The following CUBN variants were observed in gnomAD, a reference collection of about 807,000 sequenced individuals.
CUBN encodes 460 kDa receptor.
Under a neutral mutation model 405.3 loss-of-function variants are expected in CUBN, and 282 were observed. That is an observed-to-expected ratio of 0.70 (90% CI 0.63 to 0.77). The LOEUF is 0.77. Ranked by LOEUF, CUBN falls within the 30% of genes least tolerant of loss-of-function variation. CUBN has a pLI of 0.00. For synonymous variants in CUBN, 1,684 were observed against 1,617.0 expected, an observed-to-expected ratio of 1.04 and a Z score of -0.99; for missense variants, 4,514 against 4,475.2, an observed-to-expected ratio of 1.01 and a Z score of -0.25.
intron 55 of CUBN, among the ~76,000 whole-genome samples, chr10:16,889,758 T>C (rs1223241902): frequency 6.6e-6 from 1 of 150,668 alleles, no homozygotes; most frequent in African/African-American, 2.4e-5. Context: ...AAAAATTAGC[T>C]GGGCATGGTG....
intron 54 of CUBN, among the ~76,000 whole-genome samples, chr10:16,895,338 TACAC>T (rs150992845): frequency 5.1e-4 from 76 of 149,072 alleles, no homozygotes; most frequent in African/African-American, 1.5e-3. Context: ...TATATATTTA[TACAC>T]ACACACACAC....
chr10:16,935,507 T>TA (rs1371145615), intron 39 of CUBN, among the ~76,000 whole-genome samples: 3 of 152,142 alleles, frequency 2.0e-5, no homozygotes, highest in Non-Finnish European at 4.4e-5. Context: ...TTTCCTTTCT[T>TA]AGTCTTCTCA....
Position 17,086,969 on chromosome 10 carries a change from C to T in CUBN, c.1947+1195G>A, listed in dbSNP as rs1186353662. ...ATTAATTTCAAGATAACTCACTTTTCTGTCAACATTTAAATGACCATTTTG... is the reference window on the plus strand; with the variant it reads ...ATTAATTTCAAGATAACTCACTTTTTTGTCAACATTTAAATGACCATTTTG... On this transcript the variant is annotated intron_variant, in intron 15 of 66. Coordinates refer to ENST00000377833, the MANE Select transcript of CUBN (RefSeq NM_001081.4). Among the ~76,000 whole-genome samples, 28 of 152,194 alleles carry T rather than the reference C, an allele frequency of 1.8e-4. 2 individuals are homozygous for T. Among genetic ancestry groups the T allele is most frequent in the Admixed American group, 1.8e-3 (28 of 15,282 alleles).
At position 16,992,296 on chromosome 10, in the gene CUBN, C is replaced by T. The variant is rs549845113; in HGVS notation, c.4169-1781G>A. 1.3e-4 allele frequency among the ~76,000 whole-genome samples: 20 copies of T among 152,182 alleles called. No individual in the cohort carries two copies. In the South Asian group the frequency reaches 3.5e-3, roughly 27 times the overall value. ...TAGGAGGAATACCTAATGTAAATGA[C>T]GAGTTAATGGGTGCAGCACACCAAC... On this transcript the variant is annotated intron_variant, in intron 28 of 66. Coordinates refer to ENST00000377833, the MANE Select transcript of CUBN (RefSeq NM_001081.4).
chr10:17,035,814 C>G (rs1292268253), intron 27 of CUBN, among the ~76,000 whole-genome samples: 2 of 150,744 alleles, frequency 1.3e-5, no homozygotes, highest in Admixed American at 6.6e-5. Context: ...GACAGGGAAA[C>G]AGCAGGCACT....
intron 43 of CUBN, among the ~76,000 whole-genome samples, chr10:16,923,338 T>C (rs959276648): frequency 6.6e-6 from 1 of 151,792 alleles, no homozygotes; most frequent in Non-Finnish European, 1.5e-5. Flanking sequence ...AGCGAAGGAG[T>C]GTCTCTGGAG....
chr10:16,991,717 C>T (rs901457074), intron 28 of CUBN, among the ~76,000 whole-genome samples: 22 of 147,870 alleles, frequency 1.5e-4, no homozygotes, highest in Non-Finnish European at 2.4e-4. Context: ...TTTTTATGTG[C>T]GATCATCAAA....
At chr10:16,923,327 T>C (rs1318309) in intron 43 of CUBN, among the ~76,000 whole-genome samples, 45,171 of 151,784 alleles carry the variant, frequency 0.3, 6,956 homozygotes, top group Non-Finnish European at 0.33. Context: ...CAATCAACCA[T>C]AGCGAAGGAG....
At chr10:17,105,915 C>T (rs763373408) in intron 10 of CUBN, among the ~76,000 whole-genome samples, 1 of 152,160 alleles carries the variant, frequency 6.6e-6, no homozygotes, top group Non-Finnish European at 1.5e-5. Context: ...GGAGTTAATG[C>T]AGAAAAGGAG....
chr10:16,882,880 G>A lies in CUBN; in HGVS notation c.8905+5537C>T, dbSNP rs192850845. ...AATACAATTATTAGCTGGGCATGGT[G>A]TCTGGTGCCTGTAATCCCAGCTACT... On this transcript the variant is annotated intron_variant, in intron 56 of 66. Transcript: ENST00000377833. Among the ~76,000 whole-genome samples the A allele has an allele frequency of 1.6e-4, 24 of 152,248 alleles. No homozygotes were observed. The East Asian group carries it at 4.4e-3, about 28-fold the overall frequency.
intron 18 of CUBN, 63 bp downstream of exon 18, chr10:17,071,764 T>C: frequency 6.4e-7 from 1 of 1,570,140 alleles, no homozygotes. Context: ...ACTAAATTAT[T>C]TTGAAGAATT....
intron 31 of CUBN, among the ~76,000 whole-genome samples, chr10:16,974,495 C>T (rs1833034387): frequency 6.6e-6 from 1 of 151,804 alleles, no homozygotes; most frequent in Non-Finnish European, 1.5e-5. Flanking sequence ...GTGATCTTGG[C>T]TCAATGCAAG....
rs560033407 is a variant in CUBN at position 17,007,745 on chromosome 10, C to T, written c.4168+12088G>A. Among the ~76,000 whole-genome samples, 43 of 152,294 alleles carry T rather than the reference C, an allele frequency of 2.8e-4. No individual in the cohort carries two copies. The East Asian group carries it at 7.0e-3, about 25-fold the overall frequency. On this transcript the variant is annotated intron_variant, in intron 28 of 66. Transcript: ENST00000377833. ...AGAGCAACTCCAGGACCAGCGTTAG[C>T]GGGGCTGTCCTGAGCCCTCCACCTG...
chr10:17,005,790 T>C (rs1834003919), intron 28 of CUBN, among the ~76,000 whole-genome samples: 1 of 152,200 alleles, frequency 6.6e-6, no homozygotes, highest in Non-Finnish European at 1.5e-5. Context: ...ATGGGCTGAA[T>C]TGTATCTCTG....
chr10:16,917,058 T>C (rs1564422545), intron 45 of CUBN, among the ~76,000 whole-genome samples: 1 of 152,024 alleles, frequency 6.6e-6, no homozygotes, highest in African/African-American at 2.4e-5. Flanking sequence ...GTGATCCACC[T>C]GCCTTAGCCT....
At chr10:17,073,181 T>C (rs1268930919) in intron 17 of CUBN, among the ~76,000 whole-genome samples, 1 of 152,184 alleles carries the variant, frequency 6.6e-6, no homozygotes. Context: ...TTAATATAGA[T>C]ACACAAATCC....
At chr10:17,061,948 A>G (rs1009401647) in intron 22 of CUBN, among the ~76,000 whole-genome samples, 2 of 152,152 alleles carry the variant, frequency 1.3e-5, no homozygotes, top group African/African-American at 2.4e-5. Context: ...TATTCTTGGG[A>G]GGATAAATTC....
chr10:17,119,169 C>G (rs1336830037), intron 6 of CUBN, among the ~76,000 whole-genome samples: 1 of 152,216 alleles, frequency 6.6e-6, no homozygotes, highest in Non-Finnish European at 1.5e-5. Flanking sequence ...TGTTTAAACT[C>G]TGCATGATGT....
chr10:17,038,833 G>T (rs775374265), intron 27 of CUBN, among the ~76,000 whole-genome samples: 13 of 152,098 alleles, frequency 8.5e-5, no homozygotes, highest in Non-Finnish European at 1.6e-4. Flanking sequence ...TTTTTGGAAG[G>T]CCTTTCTGAA....
Sources: allele counts gnomAD v4.1 joint callset (sites outside exome capture counted in the v4.1 genomes callset), GRCh38; gene constraint gnomAD v4.1.1; transcripts MANE v1.5; gene names NCBI Gene and HGNC (gene_info 2026-07-23, HGNC 2026-07-21).